The following CYP4F11 variants were observed in gnomAD, a reference collection of about 807,000 sequenced individuals.
CYP4F11 encodes cytochrome P450 4F11.
Under a neutral mutation model 62.2 loss-of-function variants are expected in CYP4F11, and 79 were observed. The ratio of observed to expected loss-of-function variants is 1.27; its 90% CI spans 1.06 to 1.53. The LOEUF (loss-of-function observed/expected upper bound fraction) is 1.53. Ranked by LOEUF, CYP4F11 falls within the 40% of genes most tolerant of loss-of-function variation. The pLI, the probability that CYP4F11 is intolerant of heterozygous loss-of-function variation, is 0.00. For missense variants in CYP4F11, 777 were observed against 680.5 expected, an observed-to-expected ratio of 1.14 and a Z score of -1.58; for synonymous variants, 290 against 263.7, an observed-to-expected ratio of 1.10 and a Z score of -0.97.
In CYP4F11 at chr19:15,924,811, G is replaced by A; in HGVS notation, c.597C>T (p.Thr199=). The A allele has an allele frequency of 1.2e-6, 2 of 1,613,280 alleles. No individual in the cohort carries two copies. The highest frequency in any genetic ancestry group is 1.3e-5 in the African/African-American group (1 of 75,010). Residue 199 remains threonine, a synonymous_variant, in exon 5 of 12, where the codon ACC becomes ACT. Coordinates refer to ENST00000402119, the MANE Select transcript of CYP4F11 (RefSeq NM_021187.4). ...AGACACATTTCTGCAGACTGTCCAA[G>A]GTCATGAGGCTGATGTGTTCAAACA... is the stretch of plus-strand genomic sequence containing the variant. ...LDMFEHISLM[T]LDSLQKCVFS...
intron 8 of CYP4F11, among the ~76,000 whole-genome samples, chr19:15,919,648 G>T (rs1471112): frequency 0.74 from 112,112 of 151,988 alleles, 41,635 homozygotes; most frequent in Non-Finnish European, 0.77. Flanking sequence ...CTGTAGTGTC[G>T]CATTGAGTCC....
At chr19:15,919,083 T>C (rs1870088) in intron 8 of CYP4F11, among the ~76,000 whole-genome samples, 9,724 of 149,498 alleles carry the variant, frequency 0.065, 1,096 homozygotes, top group East Asian at 0.51. Context: ...CACATTTCAT[T>C]GACTCCTAAT....
At chr19:15,918,687 A>G (rs948072731) in intron 8 of CYP4F11, among the ~76,000 whole-genome samples, 3 of 152,212 alleles carry the variant, frequency 2.0e-5, no homozygotes, top group Non-Finnish European at 4.4e-5. Context: ...AACAAGCTAA[A>G]TATACATTGA....
intron 1 of CYP4F11, among the ~76,000 whole-genome samples, chr19:15,930,333 G>A (rs1328707041): frequency 6.6e-6 from 1 of 152,170 alleles, no homozygotes; most frequent in African/African-American, 2.4e-5. Context: ...GCTCATGCCT[G>A]TAATCCCAGC....
chr19:15,931,673 TGAGTGAGC>T (rs1347756047), intron 1 of CYP4F11, among the ~76,000 whole-genome samples: 1 of 56,800 alleles, frequency 1.8e-5, no homozygotes. Context: ...AGGAGAGGAA[TGAGTGAGC>T]GAGGAGAGGA....
At chr19:15,924,106 A>T in intron 5 of CYP4F11, 24 bp from the exon 6 acceptor site, 1 of 1,605,562 alleles carries the variant, frequency 6.2e-7, no homozygotes, top group Non-Finnish European at 8.5e-7. Context: ...GTAACAACTT[A>T]ACATATGCAA....
chr19:15,924,215 T>A (rs2089651953), intron 5 of CYP4F11, 133 bp from the exon 6 acceptor site: 1 of 1,141,196 alleles, frequency 8.8e-7, no homozygotes, highest in Non-Finnish European at 1.2e-6. Flanking sequence ...CAAACTCTCT[T>A]CTCTGAGGCA....
Position 15,922,058 on chromosome 19 carries a change from C to T in CYP4F11, c.1094G>A (p.Arg365His), listed in dbSNP as rs750569824. ...RQEVQELLKD[R>H]EPIEIEWDDL... ...TCACCATTCAATCTCTATAGGTTCACGGTCCTTCAGAAGCTCTTGCACTTC... is the reference window on the plus strand; with the variant it reads ...TCACCATTCAATCTCTATAGGTTCATGGTCCTTCAGAAGCTCTTGCACTTC... The change falls in exon 8 of 12, where the codon CGT (arginine) becomes CAT (histidine). Residue 365 changes from arginine to histidine, a missense_variant. By Grantham distance (29) the Arg-to-His change is conservative. Transcript: ENST00000402119. The T allele has an allele frequency of 2.7e-5, 44 of 1,611,474 alleles. No individual in the cohort carries two copies. In the Middle Eastern group the frequency reaches 2.5e-3, roughly 91 times the overall value.
rs1381437514 is a variant in CYP4F11 at position 15,912,672 on chromosome 19, A to AAAAG, written c.*1059_*1060insCTTT. 3.4e-3 allele frequency: 195 copies of AAAAG among 56,880 alleles called. 2 individuals carry two copies. The highest frequency in any genetic ancestry group is 0.012 in the African/African-American group (171 of 14,818). 3.5% of individuals were successfully genotyped at this position (56,880 alleles called of 1,614,324 possible). ...AGGTACCTTCACCATCCTCAGGAAA[A>AAAAG]AAAAAAAAATATATATATATATATA... On this transcript the variant is annotated 3_prime_UTR_variant, in exon 12 of 12. Coordinates refer to ENST00000402119, the MANE Select transcript of CYP4F11 (RefSeq NM_021187.4).
chr19:15,931,672 A>G (rs1284376941), intron 1 of CYP4F11, among the ~76,000 whole-genome samples: 34 of 58,900 alleles, frequency 5.8e-4, no homozygotes, highest in Non-Finnish European at 8.5e-4. Flanking sequence ...GAGGAGAGGA[A>G]TGAGTGAGCG....
chr19:15,915,858 A>AT (rs79768693), intron 8 of CYP4F11, among the ~76,000 whole-genome samples: 4 of 151,714 alleles, frequency 2.6e-5, no homozygotes, highest in African/African-American at 7.3e-5. Flanking sequence ...GATTGAGTTG[A>AT]TTTTTTTTCC....
Position 15,913,843 on chromosome 19 carries a change from G to C in CYP4F11, c.1464C>G (p.His488Gln), listed in dbSNP as rs149973352. 3.1e-4 allele frequency: 506 copies of C among 1,614,168 alleles called. No homozygotes were observed. In the African/African-American group the frequency reaches 6.2e-3, roughly 20 times the overall value. Residue 488 changes from histidine to glutamine, a missense_variant, in exon 12 of 12, where the codon CAC becomes CAG. Coordinates refer to ENST00000402119, the MANE Select transcript of CYP4F11 (RefSeq NM_021187.4). ...CAGTGTGGGTCGGCAGGATGCGGAA[G>C]TGCAGCAGGGTGAGCGCCAGGACCA... Reference protein sequence around the residue: ...MKVVLALTLLHFRILPTHTEP... With the variant: ...MKVVLALTLLQFRILPTHTEP...
chr19:15,930,520 A>G (rs1443934667), intron 1 of CYP4F11, among the ~76,000 whole-genome samples: 1 of 152,158 alleles, frequency 6.6e-6, no homozygotes, highest in Non-Finnish European at 1.5e-5. Flanking sequence ...TGAACCTGGG[A>G]GGCGGAGGTT....
rs1053189391 is a variant in CYP4F11, at chr19:15,912,923, C to A, written c.*809G>T. On this transcript the variant is annotated 3_prime_UTR_variant, in exon 12 of 12. Transcript: ENST00000402119. ...TTAAAGTCGTGGTAGAAATAACGAT[C>A]TTGAAAGACAACATTCTTTAACAGC... is the stretch of plus-strand genomic sequence containing the variant. The A allele has an allele frequency of 1.3e-5, 2 of 151,124 alleles. No homozygotes were observed. Among genetic ancestry groups the A allele is most frequent in the Non-Finnish European group, 2.9e-5 (2 of 67,910 alleles). The allele number at this position is 151,124 out of a possible 1,614,324, so 9.4% of individuals were successfully genotyped here.
Position 15,914,382 on chromosome 19 carries a change from G to C in CYP4F11, c.1320C>G (p.Tyr440Ter). The change falls in exon 11 of 12, where the codon TAC (tyrosine) becomes TAG (stop). Residue 440 changes from tyrosine (Y) to a stop codon, truncating the protein, a stop_gained. Coordinates refer to ENST00000402119, the MANE Select transcript of CYP4F11 (RefSeq NM_021187.4). LOFTEE classifies it high-confidence loss of function. ...NPTVWPDPEV[Y>*]DPFRFDQENI... Reference sequence around the variant, plus strand: ...TCTCTTGGTCGAAACGGAAGGGGTCGTAGACCTGCAGGTGAGACCAAGAAG... The same window carrying C: ...TCTCTTGGTCGAAACGGAAGGGGTCCTAGACCTGCAGGTGAGACCAAGAAG... 2.5e-6 allele frequency: 4 copies of C among 1,613,814 alleles called. No individual in the cohort carries two copies. Among genetic ancestry groups the C allele is most frequent in the Non-Finnish European group, 3.4e-6 (4 of 1,179,808 alleles).
intron 2 of CYP4F11, among the ~76,000 whole-genome samples, chr19:15,928,398 G>A (rs2089686020): frequency 1.3e-5 from 2 of 152,104 alleles, no homozygotes; most frequent in African/African-American, 4.8e-5. Context: ...ATTGGAACTG[G>A]GCTTCTGAGA....
At position 15,924,688 on chromosome 19, in the gene CYP4F11, G is replaced by A. The variant is rs3746155; in HGVS notation, c.647+73C>T. ...TCAGAAAGGCACTTCTGGTTACCCCGGTCAGCCATCCTTTTCCAGCCTACT... is the reference window on the plus strand; with the variant it reads ...TCAGAAAGGCACTTCTGGTTACCCCAGTCAGCCATCCTTTTCCAGCCTACT... On this transcript the variant is annotated intron_variant, in intron 5 of 11. Transcript: ENST00000402119. 1.6e-4 allele frequency: 249 copies of A among 1,561,894 alleles called. No individual in the cohort carries two copies. The East Asian group carries it at 5.2e-3, about 33-fold the overall frequency.
At chr19:15,923,413 T>C (rs1387927592) in intron 6 of CYP4F11, among the ~76,000 whole-genome samples, 1 of 152,138 alleles carries the variant, frequency 6.6e-6, no homozygotes, top group African/African-American at 2.4e-5. Context: ...GGTAAAAACA[T>C]TGCATTACCC....
chr19:15,913,912 G>T lies in CYP4F11; in HGVS notation c.1398-3C>A. ...CGAACGCCTGCCCGATGCAGTTTCT[G>T]GGGGCAAAAGTGAGGGAATCTGACT... On this transcript the variant is annotated splice_polypyrimidine_tract_variant and splice_region_variant and intron_variant, in intron 11 of 11. Coordinates refer to ENST00000402119, the MANE Select transcript of CYP4F11 (RefSeq NM_021187.4). 1 of 1,608,828 alleles carries T rather than the reference G, an allele frequency of 6.2e-7. No homozygotes were observed. The highest frequency in any genetic ancestry group is 8.5e-7 in the Non-Finnish European group (1 of 1,177,418).
Sources: allele counts gnomAD v4.1 joint callset (sites outside exome capture counted in the v4.1 genomes callset), GRCh38; gene constraint gnomAD v4.1.1; transcripts MANE v1.5; gene names NCBI Gene and HGNC (gene_info 2026-07-23, HGNC 2026-07-21).